The following NDUFAF2 variants were observed in gnomAD, a reference collection of about 807,000 sequenced individuals.
NDUFAF2 encodes NADH dehydrogenase [ubiquinone] 1 alpha subcomplex assembly factor 2.
A neutral mutation model predicts 22.8 loss-of-function variants in NDUFAF2; 13 were observed. The ratio of observed to expected loss-of-function variants is 0.57; its 90% CI spans 0.37 to 0.91. NDUFAF2 has a LOEUF of 0.91. NDUFAF2 is among the 40% of genes least tolerant of loss of function. The pLI is 0.01. For synonymous variants in NDUFAF2, 53 were observed against 64.2 expected, an observed-to-expected ratio of 0.83 and a Z score of 0.84; for missense variants, 162 against 195.2, an observed-to-expected ratio of 0.83 and a Z score of 1.01.
At chr5:61,093,747 G>C (rs947972009) in intron 2 of NDUFAF2, among the ~76,000 whole-genome samples, 2 of 152,172 alleles carry the variant, frequency 1.3e-5, no homozygotes, top group African/African-American at 4.8e-5. Flanking sequence ...ACACTGCCAG[G>C]TTTTGGTATC....
intron 3 of NDUFAF2, among the ~76,000 whole-genome samples, chr5:61,147,574 A>G (rs1390097617): frequency 1.3e-5 from 2 of 151,488 alleles, no homozygotes; most frequent in Non-Finnish European, 2.9e-5. Flanking sequence ...ACGTACGGCT[A>G]GAATCTTACT....
rs1315335498 is a variant in NDUFAF2 at position 61,032,022 on chromosome 5, C to A, written c.128-41103C>A. 5.9e-5 allele frequency among the ~76,000 whole-genome samples: 9 copies of A among 152,128 alleles called. No homozygotes were observed. In the East Asian group the frequency reaches 1.7e-3, roughly 29 times the overall value. ...ATATGTTTGTTGGCTGCATAAATGTCTTCTTTTGAGAAGTGTCTGTTCATA... is the reference window on the plus strand; with the variant it reads ...ATATGTTTGTTGGCTGCATAAATGTATTCTTTTGAGAAGTGTCTGTTCATA... On this transcript the variant is annotated intron_variant, in intron 1 of 3. Coordinates refer to ENST00000296597, the MANE Select transcript of NDUFAF2 (RefSeq NM_174889.5).
rs112600845 is a variant in NDUFAF2, at chr5:60,996,503, T to C, written c.127+51121T>C. On this transcript the variant is annotated intron_variant, in intron 1 of 3. Transcript: ENST00000296597. ...TTTTGGAGCAGGGAGCTGTGTAGCA[T>C]GGGGTTAGGAGAGAGGTGATGCCAA... 2.4e-3 allele frequency among the ~76,000 whole-genome samples: 368 copies of C among 152,090 alleles called. 8 individuals are homozygous for C. Among genetic ancestry groups the C allele is most frequent in the African/African-American group, 8.6e-3 (358 of 41,492 alleles).
intron 1 of NDUFAF2, among the ~76,000 whole-genome samples, chr5:61,051,137 A>G (rs1752019249): frequency 6.6e-6 from 1 of 152,062 alleles, no homozygotes; most frequent in South Asian, 2.1e-4. Context: ...TGTAAAATCC[A>G]ATTGTTCTCT....
At chr5:61,141,384 T>G (rs1741055221) in intron 3 of NDUFAF2, among the ~76,000 whole-genome samples, 1 of 152,178 alleles carries the variant, frequency 6.6e-6, no homozygotes, top group South Asian at 2.1e-4. Flanking sequence ...TTGTGAGTTC[T>G]TTGAGCACAG....
chr5:60,951,527 C>CTTGAATA (rs1245758342), intron 1 of NDUFAF2, among the ~76,000 whole-genome samples: 1 of 152,052 alleles, frequency 6.6e-6, no homozygotes, highest in Non-Finnish European at 1.5e-5. Context: ...TGTTGAATGT[C>CTTGAATA]TTGAATATTG....
intron 2 of NDUFAF2, among the ~76,000 whole-genome samples, chr5:61,085,322 G>T (rs1752492922): frequency 6.6e-6 from 1 of 151,892 alleles, no homozygotes; most frequent in African/African-American, 2.4e-5. Context: ...GTACAGAAAA[G>T]AATTGACAAA....
intron 1 of NDUFAF2, among the ~76,000 whole-genome samples, chr5:60,985,373 C>CT (rs1180303196): frequency 6.6e-6 from 1 of 151,428 alleles, no homozygotes; most frequent in East Asian, 1.9e-4. Flanking sequence ...TTTTTGAAGG[C>CT]TTTTTTGTGT....
At chr5:61,144,833 C>T (rs1324549821) in intron 3 of NDUFAF2, among the ~76,000 whole-genome samples, 7 of 152,226 alleles carry the variant, frequency 4.6e-5, no homozygotes, top group African/African-American at 1.7e-4. Flanking sequence ...TCTCCCAACA[C>T]ATCATTGCAG....
chr5:60,982,089 A>G (rs1008585179), intron 1 of NDUFAF2, among the ~76,000 whole-genome samples: 5 of 152,220 alleles, frequency 3.3e-5, no homozygotes, highest in Non-Finnish European at 5.9e-5. Flanking sequence ...ATGGACAAAT[A>G]GGATTACATC....
intron 1 of NDUFAF2, among the ~76,000 whole-genome samples, chr5:61,020,859 C>A (rs1464523714): frequency 6.6e-6 from 1 of 152,030 alleles, no homozygotes; most frequent in African/African-American, 2.4e-5. Context: ...CCACGCCCAG[C>A]TAATTTTTGT....
chr5:61,008,388 A>G (rs1751400878), intron 1 of NDUFAF2, among the ~76,000 whole-genome samples: 1 of 152,150 alleles, frequency 6.6e-6, no homozygotes, highest in Non-Finnish European at 1.5e-5. Flanking sequence ...AAGATTAACA[A>G]GCAAGTGTAT....
chr5:61,004,411 C>CA (rs1751338952), intron 1 of NDUFAF2, among the ~76,000 whole-genome samples: 1 of 151,738 alleles, frequency 6.6e-6, no homozygotes, highest in Non-Finnish European at 1.5e-5. Context: ...AATGGATAAC[C>CA]AACTGTAAAC....
intron 1 of NDUFAF2, among the ~76,000 whole-genome samples, chr5:60,993,089 G>T (rs937460604): frequency 4.6e-5 from 7 of 152,240 alleles, no homozygotes; most frequent in Admixed American, 4.6e-4. Flanking sequence ...CAAGAGGTAT[G>T]TGAGCTAGTG....
At chr5:61,100,845 G>A (rs1007041358) in intron 3 of NDUFAF2, among the ~76,000 whole-genome samples, 3 of 152,092 alleles carry the variant, frequency 2.0e-5, no homozygotes, top group African/African-American at 7.2e-5. Flanking sequence ...TGTAATCCAT[G>A]TGTATTTCTC....
At chr5:61,104,416 A>C (rs1579831578) in intron 3 of NDUFAF2, among the ~76,000 whole-genome samples, 2 of 152,124 alleles carry the variant, frequency 1.3e-5, no homozygotes, top group South Asian at 4.1e-4. Context: ...AGTAGAAAAA[A>C]GTTACAATAT....
intron 1 of NDUFAF2, among the ~76,000 whole-genome samples, chr5:61,058,926 G>A (rs1048868617): frequency 1.1e-4 from 16 of 152,038 alleles, no homozygotes; most frequent in Admixed American, 9.8e-4. Context: ...TTGTTTGAAT[G>A]GTTACCTTCT....
At chr5:60,992,880 T>C (rs329619) in intron 1 of NDUFAF2, among the ~76,000 whole-genome samples, 22,513 of 152,230 alleles carry the variant, frequency 0.15, 2,105 homozygotes, top group South Asian at 0.27. Flanking sequence ...CACTGAAAAG[T>C]TGGCTGCCAG....
At chr5:61,119,841 C>G (rs1171634924) in intron 3 of NDUFAF2, among the ~76,000 whole-genome samples, 3 of 152,106 alleles carry the variant, frequency 2.0e-5, no homozygotes, top group African/African-American at 7.2e-5. Context: ...CTGGCTTAGC[C>G]AATACTATGA....
Sources: allele counts gnomAD v4.1 joint callset (sites outside exome capture counted in the v4.1 genomes callset), GRCh38; gene constraint gnomAD v4.1.1; transcripts MANE v1.5; gene names NCBI Gene and HGNC (gene_info 2026-07-23, HGNC 2026-07-21).